IGSF9B: variants seen among roughly 807,000 people sequenced by gnomAD.
IGSF9B encodes the protein protein turtle homolog B.
A neutral mutation model predicts 143.7 loss-of-function variants in IGSF9B; 48 were observed. That is an observed-to-expected ratio of 0.33 (90% CI 0.26 to 0.42). The LOEUF is 0.42. IGSF9B is among the 20% of genes least tolerant of loss of function. The pLI is 1.00. For missense variants in IGSF9B, 1,706 were observed against 1,980.0 expected (o/e 0.86, Z 2.63); for synonymous variants, 903 against 833.1 (o/e 1.08, Z -1.44).
In IGSF9B at chr11:133,897,050, C is replaced by A. The variant is rs1939030646; in HGVS notation, c.*12019G>T. The A allele has an allele frequency of 6.6e-6, 1 of 152,200 alleles. No homozygotes were observed. The highest frequency in any genetic ancestry group is 2.4e-5 in the African/African-American group (1 of 41,452). 9.4% of individuals were successfully genotyped at this position (152,200 alleles called of 1,614,324 possible). ...TCGGGAGGAGACAGTTCCTCCTACT[C>A]TTGGAAGTCTGTGATTTGGTGGCTG... On this transcript the variant is annotated 3_prime_UTR_variant, in exon 20 of 20. Coordinates refer to ENST00000533871, the MANE Select transcript of IGSF9B (RefSeq NM_001277285.4).
chr11:133,919,698 G>A, intron 18 of IGSF9B, 44 bp downstream of exon 18: 1 of 1,242,242 alleles, frequency 8.0e-7, no homozygotes, highest in Non-Finnish European at 1.1e-6. Flanking sequence ...GGTGGGGGAA[G>A]GAAGTTGCCC....
In IGSF9B at chr11:133,920,734, C is replaced by G. The variant is rs367781732; in HGVS notation, c.2991G>C (p.Ser997=). The change falls in exon 18 of 20, where the codon TCG becomes TCC. Residue 997 remains serine, a synonymous_variant. Transcript: ENST00000533871. ...GCCCCTCGGTGGGCAGGGGCGGGGA[C>G]GACATGACGGAGCTCAGGGGGCTGC... The part of the protein sequence containing the change: ...EVGSPLSSVM[S]SPPLPTEGPF... The G allele has an allele frequency of 5.0e-6, 8 of 1,612,892 alleles. No homozygotes were observed. The highest frequency in any genetic ancestry group is 2.2e-5 in the South Asian group (2 of 91,052).
At chr11:133,919,490 C>G (rs889545145) in intron 18 of IGSF9B, among the ~76,000 whole-genome samples, 3 of 152,226 alleles carry the variant, frequency 2.0e-5, no homozygotes, top group African/African-American at 7.2e-5. Flanking sequence ...GTGCGCCCGC[C>G]GAGAGCTCAG....
Position 133,931,433 on chromosome 11 carries a change from G to C in IGSF9B, c.1368+20C>G. 1 of 1,572,126 alleles carries C rather than the reference G, an allele frequency of 6.4e-7. No individual in the cohort carries two copies. On this transcript the variant is annotated intron_variant, in intron 10 of 19. Transcript: ENST00000533871. The surrounding 1 kb of genome is among the most constrained non-coding windows in gnomAD (Gnocchi z 7.7). ...GCCCTCACACCTCCCTGCAGACCCA[G>C]GGCTCCAGGGCCCAGGTACCTTTCT...
intron 3 of IGSF9B, among the ~76,000 whole-genome samples, chr11:133,940,266 T>A: frequency 1.1e-5 from 1 of 87,272 alleles, no homozygotes. Context: ...CTCGCACGCG[T>A]CATCGCACGC....
At position 133,944,264 on chromosome 11, in the gene IGSF9B, T is replaced by C; in HGVS notation, c.365A>G (p.Tyr122Cys). 1.2e-6 allele frequency: 2 copies of C among 1,613,664 alleles called. No homozygotes were observed. Among genetic ancestry groups the C allele is most frequent in the Non-Finnish European group, 1.7e-6 (2 of 1,179,742 alleles). ...CCAGCTGCCATTGTGGAAGGTGTCA[T>C]ACTGCTGGTCCAGCATGAGCACTTT... ...ECKVLMLDQQ[Y>C]DTFHNGSWVH... is the part of the protein sequence containing the mutation. The change falls in exon 3 of 20, where the codon TAT becomes TGT. Residue 122 changes from tyrosine (Y) to cysteine (C), a missense_variant. Tyr to Cys is a radical substitution (Grantham distance 194). Coordinates refer to ENST00000533871, the MANE Select transcript of IGSF9B (RefSeq NM_001277285.4).
rs1461791383 is a variant in IGSF9B, at chr11:133,904,689, AGATGCT to A, written c.*4374_*4379del. Among the ~76,000 whole-genome samples, 3 of 151,976 alleles carry A rather than the reference AGATGCT, an allele frequency of 2.0e-5. No individual in the cohort carries two copies. Among genetic ancestry groups the A allele is most frequent in the Non-Finnish European group, 2.9e-5 (2 of 68,012 alleles). On this transcript the variant is annotated 3_prime_UTR_variant, in exon 20 of 20. Transcript: ENST00000533871. Reference sequence around the variant, plus strand: ...AACTAAGTTATCACATGACTCAAAGAGATGCTGAGGCTTGGTGTCCCCTGGGGTGGT... The same window carrying A: ...AACTAAGTTATCACATGACTCAAAGAGAGGCTTGGTGTCCCCTGGGGTGGT...
At position 133,937,502 on chromosome 11, in the gene IGSF9B, C is replaced by T. The variant is rs773105425; in HGVS notation, c.562-9G>A. 1 of 1,609,996 alleles carries T rather than the reference C, an allele frequency of 6.2e-7. No homozygotes were observed. Among genetic ancestry groups the T allele is most frequent in the South Asian group, 1.1e-5 (1 of 90,846 alleles). ...AGGCTGCCGTCACTCACCTGGGAGCCCAAAACAGAGGGAGCTCAGCACCCA... is the reference window on the plus strand; with the variant it reads ...AGGCTGCCGTCACTCACCTGGGAGCTCAAAACAGAGGGAGCTCAGCACCCA... On this transcript the variant is annotated splice_polypyrimidine_tract_variant and intron_variant, in intron 4 of 19. Coordinates refer to ENST00000533871, the MANE Select transcript of IGSF9B (RefSeq NM_001277285.4).
intron 13 of IGSF9B, 26 bp downstream of exon 13, chr11:133,926,890 C>G (rs1485819202): frequency 4.5e-6 from 7 of 1,551,422 alleles, no homozygotes; most frequent in Non-Finnish European, 4.4e-6. Context: ...AACCCCCGCT[C>G]CCAACATCCC....
chr11:133,929,769 A>G lies in IGSF9B; in HGVS notation c.1533T>C (p.His511=). 6.2e-7 allele frequency: 1 copy of G among 1,612,840 alleles called. No homozygotes were observed. The highest frequency in any genetic ancestry group is 1.1e-5 in the South Asian group (1 of 91,062). ...THLTVIGTSP[H]APGSVRVQVS... ...CCTGGACCCGGACACTGCCCGGGGC[A>G]TGGGGGCTGGTGCCTGGAGATCAAG... Residue 511 remains histidine (H), a synonymous_variant, in exon 12 of 20, where the codon CAT becomes CAC. Coordinates refer to ENST00000533871, the MANE Select transcript of IGSF9B (RefSeq NM_001277285.4).
At chr11:133,912,509 G>T in intron 18 of IGSF9B, 1 of 375,336 alleles carries the variant, frequency 2.7e-6, no homozygotes, top group East Asian at 7.3e-5. Flanking sequence ...AGTAAGACAG[G>T]CTGCACAAAA....
intron 3 of IGSF9B, among the ~76,000 whole-genome samples, chr11:133,940,964 C>G (rs964274485): frequency 6.6e-6 from 1 of 152,218 alleles, no homozygotes; most frequent in Non-Finnish European, 1.5e-5. Flanking sequence ...CGGCCTGCCC[C>G]TTGAAATACA....
chr11:133,919,126 G>GA (rs751674756), intron 18 of IGSF9B: 4 of 362,532 alleles, frequency 1.1e-5, no homozygotes, highest in African/African-American at 7.0e-5. Context: ...TACGGGGGGG[G>GA]GGTGGGGGAC....
rs1366380840 is a variant in IGSF9B, at chr11:133,922,659, T to C, written c.2191A>G (p.Ile731Val). The change falls in exon 16 of 20, where the codon ATC becomes GTC. Residue 731 changes from isoleucine to valine, a missense_variant. Ile to Val is a conservative substitution (Grantham distance 29). This residue lies in a region of IGSF9B where 3 missense variants were observed against 18.5 expected (regional missense o/e 0.16). Transcript: ENST00000533871. ...AGGATGGCAGCTGCCAAGAAGCAGATGGTAGCTACGATTCCCGCCAGCACA... is the reference window on the plus strand; with the variant it reads ...AGGATGGCAGCTGCCAAGAAGCAGACGGTAGCTACGATTCCCGCCAGCACA... ...RPVLAGIVAT[I>V]CFLAAAILFS... 6.3e-7 allele frequency: 1 copy of C among 1,593,784 alleles called. No individual in the cohort carries two copies. Among genetic ancestry groups the C allele is most frequent in the South Asian group, 1.1e-5 (1 of 88,272 alleles).
chr11:133,935,362 G>C (rs530262018), intron 7 of IGSF9B, among the ~76,000 whole-genome samples: 1 of 152,380 alleles, frequency 6.6e-6, no homozygotes, highest in East Asian at 1.9e-4. Flanking sequence ...GTCTTCCTGA[G>C]TGCAGCCTGC....
Position 133,920,431 on chromosome 11 carries a change from C to T in IGSF9B, c.3294G>A (p.Glu1098=). 2 of 1,578,088 alleles carry T rather than the reference C, an allele frequency of 1.3e-6. No homozygotes were observed. The highest frequency in any genetic ancestry group is 1.7e-6 in the Non-Finnish European group (2 of 1,163,890). ...PAAYPGILSL[E]APKGWAGKSP... ...ACTTGCCTGCCCAACCCTTCGGTGCCTCCAGAGACAGGATGCCCGGGTAGG... is the reference window on the plus strand; with the variant it reads ...ACTTGCCTGCCCAACCCTTCGGTGCTTCCAGAGACAGGATGCCCGGGTAGG... Residue 1098 remains glutamate, a synonymous_variant, in exon 18 of 20, where the codon GAG becomes GAA. Transcript: ENST00000533871.
At position 133,920,249 on chromosome 11, in the gene IGSF9B, C is replaced by T; in HGVS notation, c.3476G>A (p.Gly1159Asp). 2 of 1,516,772 alleles carry T rather than the reference C, an allele frequency of 1.3e-6. No homozygotes were observed. Among genetic ancestry groups the T allele is most frequent in the Non-Finnish European group, 1.8e-6 (2 of 1,132,102 alleles). 94.0% of individuals were successfully genotyped at this position (1,516,772 alleles called of 1,614,324 possible). Residue 1159 changes from glycine to aspartate, a missense_variant, in exon 18 of 20, where the codon GGC (glycine) becomes GAC (aspartate). Gly to Asp is a moderately conservative substitution (Grantham distance 94). Transcript: ENST00000533871. Reference sequence around the variant, plus strand: ...GTCCAGGCCAAATGTGCTGGGGCCGCCGTGCGCCCCCGGCTCAGCCGGCTC... The same window carrying T: ...GTCCAGGCCAAATGTGCTGGGGCCGTCGTGCGCCCCCGGCTCAGCCGGCTC... ...YPEPAEPGAHGGPSTFGLDTR... is the reference protein window; with the variant it reads ...YPEPAEPGAHDGPSTFGLDTR...
intron 1 of IGSF9B, among the ~76,000 whole-genome samples, chr11:133,954,397 A>G (rs1005827058): frequency 1.3e-5 from 2 of 152,138 alleles, no homozygotes; most frequent in Admixed American, 6.5e-5. Context: ...CAGCCCAGAA[A>G]GGGGTCTTAC....
At chr11:133,940,319 GAAAC>G (rs1565444310) in intron 3 of IGSF9B, among the ~76,000 whole-genome samples, 2 of 84,344 alleles carry the variant, frequency 2.4e-5, no homozygotes, top group African/African-American at 9.6e-5. Context: ...ATCGCACGCA[GAAAC>G]ATACACCTCG....
Sources: gnomAD v4.1 joint callset for allele counts (sites outside exome capture counted in the v4.1 genomes callset) on GRCh38, gnomAD v4.1.1 for gene constraint, gnomAD v4.1.1 regional missense constraint, Gnocchi (gnomAD v3.1) non-coding constraint, MANE v1.5 for transcripts, NCBI Gene and HGNC (gene_info 2026-07-23, HGNC 2026-07-21) for gene names.